Variants in DAAM1 observed in about 807,000 individuals in gnomAD.
The protein encoded by DAAM1 is dishevelled associated activator of morphogenesis 1, also known as disheveled-associated activator of morphogenesis 1.
A neutral mutation model predicts 130.0 loss-of-function variants in DAAM1; 52 were observed. The ratio of observed to expected loss-of-function variants is 0.40; its 90% CI spans 0.32 to 0.50. The LOEUF (loss-of-function observed/expected upper bound fraction) is 0.50, where lower values mean the gene tolerates loss of function less well. Ranked by LOEUF, DAAM1 falls within the 20% of genes least tolerant of loss-of-function variation. The probability of loss-of-function intolerance (pLI) is 0.61; values close to 1 mark genes in which losing one functional copy is unlikely to be tolerated. For synonymous variants in DAAM1, 452 were observed against 444.5 expected, an observed-to-expected ratio of 1.02 and a Z score of -0.21; for missense variants, 1,134 against 1,303.8, an observed-to-expected ratio of 0.87 and a Z score of 2.01.
chr14:59,227,513 A>G (rs903355539), intron 1 of DAAM1, among the ~76,000 whole-genome samples: 9 of 152,176 alleles, frequency 5.9e-5, no homozygotes, highest in African/African-American at 2.2e-4. Context: ...ATTTGTTCCA[A>G]CACCTAATAT....
chr14:59,278,297 C>G (rs1048176155), intron 2 of DAAM1, among the ~76,000 whole-genome samples: 1 of 152,060 alleles, frequency 6.6e-6, no homozygotes, highest in Non-Finnish European at 1.5e-5. Flanking sequence ...GTGAACCTGG[C>G]TCATGGAACC....
At chr14:59,288,951 C>G (rs946333888) in intron 2 of DAAM1, among the ~76,000 whole-genome samples, 1 of 151,964 alleles carries the variant, frequency 6.6e-6, no homozygotes, top group African/African-American at 2.4e-5. Flanking sequence ...AAGCCTTGGT[C>G]TGTCACCCAG....
intron 1 of DAAM1, among the ~76,000 whole-genome samples, chr14:59,218,450 G>C (rs1888661783): frequency 6.6e-6 from 1 of 152,208 alleles, no homozygotes; most frequent in Non-Finnish European, 1.5e-5. Flanking sequence ...TCTCTGAGTA[G>C]TGTTTCCTTG....
At chr14:59,208,143 T>G (rs1337680423) in intron 1 of DAAM1, among the ~76,000 whole-genome samples, 1 of 152,164 alleles carries the variant, frequency 6.6e-6, no homozygotes, top group Non-Finnish European at 1.5e-5. Context: ...TTAATAAAAC[T>G]CTTAGATGAC....
chr14:59,302,808 C>G (rs1884224475), intron 3 of DAAM1, among the ~76,000 whole-genome samples: 1 of 152,104 alleles, frequency 6.6e-6, no homozygotes, highest in Non-Finnish European at 1.5e-5. Context: ...TGTCCATCAC[C>G]ACGCCTGGCT....
chr14:59,297,944 T>C (rs1179554663), intron 3 of DAAM1, among the ~76,000 whole-genome samples: 1 of 152,128 alleles, frequency 6.6e-6, no homozygotes, highest in Admixed American at 6.6e-5. Flanking sequence ...AACTTTGTAA[T>C]TAGTATAATC....
intron 2 of DAAM1, among the ~76,000 whole-genome samples, chr14:59,285,193 C>T (rs373150177): frequency 6.6e-6 from 1 of 152,122 alleles, no homozygotes; most frequent in South Asian, 2.1e-4. Flanking sequence ...CCAAGAATTT[C>T]ATATCCTGCG....
intron 1 of DAAM1, among the ~76,000 whole-genome samples, chr14:59,195,554 T>A (rs1199210223): frequency 6.6e-6 from 1 of 152,194 alleles, no homozygotes; most frequent in African/African-American, 2.4e-5. Context: ...GTATTTCTGC[T>A]GGCACACAAT....
At chr14:59,197,623 C>T (rs996518054) in intron 1 of DAAM1, among the ~76,000 whole-genome samples, 3 of 152,194 alleles carry the variant, frequency 2.0e-5, no homozygotes, top group African/African-American at 7.2e-5. Context: ...CAGGAAACTG[C>T]CTTGCCTATG....
intron 2 of DAAM1, among the ~76,000 whole-genome samples, chr14:59,274,592 G>A (rs1327458917): frequency 1.3e-5 from 2 of 152,192 alleles, no homozygotes; most frequent in African/African-American, 4.8e-5. Flanking sequence ...ATGAATGTTT[G>A]TGGCTTGAGT....
chr14:59,280,172 A>G (rs1167772695), intron 2 of DAAM1, among the ~76,000 whole-genome samples: 1 of 142,632 alleles, frequency 7.0e-6, no homozygotes, highest in African/African-American at 2.8e-5. Flanking sequence ...TAAGGTGTTA[A>G]GTGTTACTTC....
rs185023236 is a variant in DAAM1 at position 59,359,174 on chromosome 14, T to C, written c.2526-223T>C. The C allele has an allele frequency of 1.1e-4, 42 of 394,268 alleles. No individual in the cohort carries two copies. In the South Asian group the frequency reaches 2.0e-3, roughly 19 times the overall value. The allele number at this position is 394,268 out of a possible 1,614,324, so 24.4% of individuals were successfully genotyped here. ...GAAATTGTGTGCTTTTTGACATATATCTATGCAATCCCCATGGAGGCTCTC... is the reference window on the plus strand; with the variant it reads ...GAAATTGTGTGCTTTTTGACATATACCTATGCAATCCCCATGGAGGCTCTC... On this transcript the variant is annotated intron_variant, in intron 20 of 24. Transcript: ENST00000360909.
At chr14:59,279,812 G>T (rs1301912171) in intron 2 of DAAM1, among the ~76,000 whole-genome samples, 1 of 152,148 alleles carries the variant, frequency 6.6e-6, no homozygotes. Context: ...CCACAGGCTA[G>T]GAGAAATATT....
intron 24 of DAAM1, among the ~76,000 whole-genome samples, chr14:59,368,360 C>T (rs1004601225): frequency 6.6e-6 from 1 of 151,782 alleles, no homozygotes; most frequent in Non-Finnish European, 1.5e-5. Flanking sequence ...TTAGCAGAAA[C>T]ACAAATTGCC....
At chr14:59,283,051 C>T (rs1208364507) in intron 2 of DAAM1, among the ~76,000 whole-genome samples, 1 of 152,122 alleles carries the variant, frequency 6.6e-6, no homozygotes, top group East Asian at 1.9e-4. Flanking sequence ...CTACCTGTGA[C>T]AGCAAAACAT....
chr14:59,235,291 T>C (rs1889257470), intron 1 of DAAM1, among the ~76,000 whole-genome samples: 1 of 152,334 alleles, frequency 6.6e-6, no homozygotes, highest in African/African-American at 2.4e-5. Flanking sequence ...TTTTGGTTGG[T>C]AGGCTATTAA....
At chr14:59,290,346 G>A (rs114948745) in intron 2 of DAAM1, among the ~76,000 whole-genome samples, 203 of 152,252 alleles carry the variant, frequency 1.3e-3, no homozygotes, top group African/African-American at 4.6e-3. Flanking sequence ...GGACTCTGGA[G>A]TTCAACAGTT....
intron 15 of DAAM1, among the ~76,000 whole-genome samples, chr14:59,336,290 A>G (rs1159263763): frequency 6.6e-6 from 1 of 152,208 alleles, no homozygotes; most frequent in Non-Finnish European, 1.5e-5. Context: ...GCAAGTCCCA[A>G]CTTCCTATTT....
At chr14:59,268,543 T>C (rs1264922943) in intron 2 of DAAM1, among the ~76,000 whole-genome samples, 1 of 152,192 alleles carries the variant, frequency 6.6e-6, no homozygotes, top group African/African-American at 2.4e-5. Flanking sequence ...ACAACTGCTT[T>C]TAAAGCTGTT....
Sources: allele counts gnomAD v4.1 joint callset (sites outside exome capture counted in the v4.1 genomes callset), GRCh38; gene constraint gnomAD v4.1.1; transcripts MANE v1.5; gene names NCBI Gene and HGNC (gene_info 2026-07-23, HGNC 2026-07-21).